AP4E1: variants seen among roughly 807,000 people sequenced by gnomAD.
AP4E1 encodes AP-4 complex subunit epsilon-1.
Under a neutral mutation model 128.2 loss-of-function variants are expected in AP4E1, and 56 were observed. The ratio of observed to expected loss-of-function variants is 0.44; its 90% CI spans 0.35 to 0.55. The LOEUF (loss-of-function observed/expected upper bound fraction) is 0.55. Among genes scored for constraint, AP4E1 ranks in the 20% least tolerant of loss-of-function variants. The pLI, the probability that AP4E1 is intolerant of heterozygous loss-of-function variation, is 0.00. For missense variants in AP4E1, 1,324 were observed against 1,307.7 expected (o/e 1.01, Z -0.19); for synonymous variants, 484 against 473.1 (o/e 1.02, Z -0.30).
At chr15:50,964,633 A>T (rs529211888) in intron 14 of AP4E1, among the ~76,000 whole-genome samples, 5 of 149,376 alleles carry the variant, frequency 3.3e-5, no homozygotes, top group African/African-American at 7.4e-5. Flanking sequence ...GTAGGGAAAG[A>T]CCTCTCCCTG....
chr15:50,939,400 G>C (rs544603009), intron 8 of AP4E1, among the ~76,000 whole-genome samples: 52 of 152,108 alleles, frequency 3.4e-4, no homozygotes, highest in Admixed American at 5.2e-4. Context: ...TTGAACCTGG[G>C]GGGTGGAGGT....
At position 50,945,374 on chromosome 15, in the gene AP4E1, A is replaced by T. The variant is rs1347550702; in HGVS notation, c.1177-2646A>T. The stretch of plus-strand genomic sequence containing the variant: ...ACTCCTTTGAAAAAGGTTATATTAG[A>T]TATGAGAACAAATACAGTTTGTTGG... On this transcript the variant is annotated intron_variant, in intron 10 of 20. Transcript: ENST00000261842. The T allele has an allele frequency of 6.4e-6, 5 of 779,270 alleles. No individual in the cohort carries two copies. The East Asian group carries it at 1.2e-4, about 19-fold the overall frequency. 48.3% of individuals were successfully genotyped at this position (779,270 alleles called of 1,614,324 possible).
chr15:50,924,778 A>C (rs1341249437), intron 4 of AP4E1, among the ~76,000 whole-genome samples: 2 of 152,230 alleles, frequency 1.3e-5, no homozygotes, highest in African/African-American at 4.8e-5. Context: ...ATTAATAAGA[A>C]AAACTCATAA....
chr15:50,918,904 ATTT>A (rs998538642), intron 3 of AP4E1, among the ~76,000 whole-genome samples: 6 of 150,922 alleles, frequency 4.0e-5, no homozygotes, highest in South Asian at 2.1e-4. Context: ...CTTATTTTTG[ATTT>A]TTTTTTTTGT....
chr15:50,997,665 G>T lies in AP4E1; in HGVS notation c.2686G>T (p.Val896Phe). The change falls in exon 18 of 21, where the codon GTT becomes TTT. Residue 896 changes from valine to phenylalanine, a missense_variant. Physicochemically the swap from Val to Phe is conservative, Grantham distance 50. Transcript: ENST00000261842. ...FHPPQSTAAS[V>F]AKESSLASSF... Reference sequence around the variant, plus strand: ...CCCTCCTCAATCTACTGCAGCCTCAGTTGCCAAGGAAAGCTCTTTAGCTTC... The same window carrying T: ...CCCTCCTCAATCTACTGCAGCCTCATTTGCCAAGGAAAGCTCTTTAGCTTC... 1 of 1,614,014 alleles carries T rather than the reference G, an allele frequency of 6.2e-7. No homozygotes were observed. The highest frequency in any genetic ancestry group is 8.5e-7 in the Non-Finnish European group (1 of 1,179,994).
chr15:50,963,742 G>A (rs796388782), intron 14 of AP4E1, among the ~76,000 whole-genome samples: 3 of 152,212 alleles, frequency 2.0e-5, no homozygotes, highest in Middle Eastern at 3.2e-3. Flanking sequence ...AATGATAAAT[G>A]TTAGAGGTGA....
chr15:50,908,561 C>G (rs916182807), upstream of AP4E1: 1 of 513,422 alleles, frequency 1.9e-6, no homozygotes, highest in Non-Finnish European at 3.2e-6. Flanking sequence ...CGCGCGCAAT[C>G]TCGAGCGAGC....
At chr15:50,955,000 A>G (rs1458662376) in intron 13 of AP4E1, among the ~76,000 whole-genome samples, 2 of 152,176 alleles carry the variant, frequency 1.3e-5, no homozygotes, top group East Asian at 1.9e-4. Context: ...AGCTTCATCC[A>G]TGTCCCTACA....
At chr15:50,980,804 G>A (rs909881911) in intron 15 of AP4E1, among the ~76,000 whole-genome samples, 1 of 152,170 alleles carries the variant, frequency 6.6e-6, no homozygotes, top group African/African-American at 2.4e-5. Context: ...TTGGGCCCAG[G>A]TGTGGCTTGA....
intron 13 of AP4E1, among the ~76,000 whole-genome samples, chr15:50,953,586 C>T (rs929233944): frequency 2.6e-5 from 4 of 152,116 alleles, no homozygotes; most frequent in African/African-American, 9.7e-5. Flanking sequence ...TAGTAGCTGT[C>T]TAGGTTTTCA....
chr15:50,960,247 C>G (rs2064292919), intron 14 of AP4E1, among the ~76,000 whole-genome samples: 1 of 152,136 alleles, frequency 6.6e-6, no homozygotes, highest in Non-Finnish European at 1.5e-5. Context: ...AAGCATCAAA[C>G]TTAATTTTCA....
chr15:50,975,204 G>C (rs886760071), intron 15 of AP4E1, among the ~76,000 whole-genome samples: 3 of 152,144 alleles, frequency 2.0e-5, no homozygotes, highest in Admixed American at 1.3e-4. Flanking sequence ...TCGGGAGTTC[G>C]AGACCAGCCA....
chr15:50,980,446 T>C (rs1050244163), intron 15 of AP4E1, among the ~76,000 whole-genome samples: 1 of 152,182 alleles, frequency 6.6e-6, no homozygotes, highest in Non-Finnish European at 1.5e-5. Context: ...GACTTAAAGA[T>C]GGAATTTATA....
At chr15:50,961,984 A>T (rs550443274) in intron 14 of AP4E1, among the ~76,000 whole-genome samples, 1 of 151,926 alleles carries the variant, frequency 6.6e-6, no homozygotes, top group South Asian at 2.1e-4. Context: ...CAAGAAAGTA[A>T]TGCCATTTAC....
At chr15:50,982,305 A>T (rs1673168978) in intron 15 of AP4E1, among the ~76,000 whole-genome samples, 1 of 152,164 alleles carries the variant, frequency 6.6e-6, no homozygotes, top group South Asian at 2.1e-4. Flanking sequence ...TAGCAACATA[A>T]AACGGACTAT....
At chr15:50,989,062 A>G (rs2064768838) in intron 16 of AP4E1, among the ~76,000 whole-genome samples, 1 of 152,236 alleles carries the variant, frequency 6.6e-6, no homozygotes, top group African/African-American at 2.4e-5. Flanking sequence ...GCTGTTATTA[A>G]TAATGATTGT....
At position 50,984,189 on chromosome 15, in the gene AP4E1, A is replaced by C. The variant is rs757874518; in HGVS notation, c.2090+44A>C. ...AAAATTGAGGTTATGGGAGTGCTTA[A>C]ATGTCTTTTAGCGTTCCATTTGCCT... On this transcript the variant is annotated intron_variant, in intron 16 of 20. Coordinates refer to ENST00000261842, the MANE Select transcript of AP4E1 (RefSeq NM_007347.5). 7 of 1,608,622 alleles carry C rather than the reference A, an allele frequency of 4.4e-6. No homozygotes were observed. In the South Asian group the frequency reaches 7.7e-5, roughly 18 times the overall value.
intron 13 of AP4E1, among the ~76,000 whole-genome samples, chr15:50,952,189 A>AT (rs1268239546): frequency 7.2e-5 from 11 of 152,172 alleles, no homozygotes; most frequent in Non-Finnish European, 1.6e-4. Flanking sequence ...TATGAATGAC[A>AT]TAAGTATAAA....
chr15:50,911,930 C>T (rs999677873), intron 1 of AP4E1, 148 bp from the exon 2 acceptor site: 34 of 707,468 alleles, frequency 4.8e-5, no homozygotes, highest in African/African-American at 4.6e-4. Flanking sequence ...TTAGATAGAT[C>T]GTAAGCAGAT....
Sources: allele counts gnomAD v4.1 joint callset (sites outside exome capture counted in the v4.1 genomes callset), GRCh38; gene constraint gnomAD v4.1.1; transcripts MANE v1.5; gene names NCBI Gene and HGNC (gene_info 2026-07-23, HGNC 2026-07-21).